The following GEM variants were observed in gnomAD, a reference collection of about 807,000 sequenced individuals.
GEM encodes GTP-binding protein GEM.
A neutral mutation model predicts 33.0 loss-of-function variants in GEM; 31 were observed. The ratio of observed to expected loss-of-function variants is 0.94; its 90% CI spans 0.71 to 1.27. The LOEUF is 1.27. Among genes scored for constraint, GEM ranks in the 50% most tolerant of loss-of-function variants. GEM has a pLI of 0.00. For missense variants in GEM, 354 were observed against 390.5 expected, an observed-to-expected ratio of 0.91 and a Z score of 0.79; for synonymous variants, 141 against 143.7, an observed-to-expected ratio of 0.98 and a Z score of 0.13.
At chr8:94,258,515 A>T (rs1212191039) in intron 2 of GEM, among the ~76,000 whole-genome samples, 1 of 152,140 alleles carries the variant, frequency 6.6e-6, no homozygotes, top group Non-Finnish European at 1.5e-5. Flanking sequence ...TAGTATTTGG[A>T]AGCTAAATCC....
At chr8:94,250,639 G>A (rs2129747711) in intron 4 of GEM, 52 bp from the exon 5 acceptor site, 1 of 1,456,592 alleles carries the variant, frequency 6.9e-7, no homozygotes, top group East Asian at 2.3e-5. Flanking sequence ...GTCCCACATA[G>A]CACACAGTCA....
chr8:94,261,173 GTTT>G (rs1195543486), intron 1 of GEM, among the ~76,000 whole-genome samples: 33 of 152,088 alleles, frequency 2.2e-4, no homozygotes, highest in Non-Finnish European at 4.3e-4. Context: ...TCTGTTTAAA[GTTT>G]ATGCCTCAGC....
intron 2 of GEM, among the ~76,000 whole-genome samples, chr8:94,255,777 C>T (rs1396149345): frequency 6.6e-6 from 1 of 152,136 alleles, no homozygotes; most frequent in African/African-American, 2.4e-5. Flanking sequence ...TGGAGACACC[C>T]CTACTTCTCC....
At chr8:94,252,701 G>T (rs1226485422) in intron 3 of GEM, among the ~76,000 whole-genome samples, 1 of 152,132 alleles carries the variant, frequency 6.6e-6, no homozygotes, top group African/African-American at 2.4e-5. Flanking sequence ...TTGAAGACTG[G>T]TATTGAGAAT....
intron 1 of GEM, among the ~76,000 whole-genome samples, chr8:94,261,140 T>C (rs998015329): frequency 6.6e-6 from 1 of 152,092 alleles, no homozygotes; most frequent in African/African-American, 2.4e-5. Flanking sequence ...CACCTGCCAT[T>C]ATTGGGGGTA....
intron 2 of GEM, among the ~76,000 whole-genome samples, chr8:94,255,165 C>T (rs1808860509): frequency 6.6e-6 from 1 of 152,162 alleles, no homozygotes; most frequent in African/African-American, 2.4e-5. Context: ...ACAGGGGACT[C>T]GCTTGAGTGC....
At chr8:94,257,864 T>TA (rs763584978) in intron 2 of GEM, among the ~76,000 whole-genome samples, 3,422 of 145,420 alleles carry the variant, frequency 0.024, 45 homozygotes, top group Middle Eastern at 0.059. Context: ...AATGCTGATT[T>TA]AAAAAAAAAA....
intron 2 of GEM, among the ~76,000 whole-genome samples, chr8:94,253,390 C>T (rs752395165): frequency 6.6e-6 from 1 of 152,160 alleles, no homozygotes; most frequent in Non-Finnish European, 1.5e-5. Context: ...CATTCCTGGA[C>T]CTTTTGTATG....
chr8:94,252,060 T>C lies in GEM; in HGVS notation c.572A>G (p.Asn191Ser). ...TCGGCACCGCACTAAGTCACTTTTG[T>C]TGCCAACCAAAATTATGGGAATGTC... ...TEDIPIILVG[N>S]KSDLVRCREV... Residue 191 changes from asparagine to serine, a missense_variant, in exon 4 of 5, where the codon AAC becomes AGC. Physicochemically the swap from Asn to Ser is conservative, Grantham distance 46. Transcript: ENST00000297596. 6.2e-7 allele frequency: 1 copy of C among 1,614,194 alleles called. No individual in the cohort carries two copies. The highest frequency in any genetic ancestry group is 8.5e-7 in the Non-Finnish European group (1 of 1,180,020).
intron 2 of GEM, among the ~76,000 whole-genome samples, chr8:94,253,882 G>C (rs1334675989): frequency 6.6e-6 from 1 of 152,084 alleles, no homozygotes; most frequent in African/African-American, 2.4e-5. Flanking sequence ...GGTACAGTGG[G>C]ATTTTTGCAA....
chr8:94,255,886 G>A (rs1220799288), intron 2 of GEM, among the ~76,000 whole-genome samples: 5 of 152,076 alleles, frequency 3.3e-5, no homozygotes, highest in Non-Finnish European at 1.5e-5. Context: ...GGGTGATGGT[G>A]GTCAGTAGCC....
intron 2 of GEM, among the ~76,000 whole-genome samples, chr8:94,254,935 T>A (rs1194360282): frequency 2.0e-5 from 3 of 152,202 alleles, no homozygotes; most frequent in Admixed American, 1.3e-4. Context: ...AGGAATGAGA[T>A]CACAGTGGGA....
intron 4 of GEM, 79 bp downstream of exon 4, chr8:94,251,940 G>T: frequency 9.3e-7 from 1 of 1,078,478 alleles, no homozygotes; most frequent in Non-Finnish European, 1.4e-6. Context: ...CCTCGTGGAA[G>T]GAGGGAAGAA....
Position 94,260,522 on chromosome 8 carries a change from A to C in GEM, c.-9-10T>G. ...GAGTCATCGTTGAGTCCTGGGGAGC[A>C]AAGCAGCCAAGATGGCAGCATTAGT... On this transcript the variant is annotated splice_polypyrimidine_tract_variant and intron_variant, in intron 1 of 4. Transcript: ENST00000297596. 6.5e-7 allele frequency: 1 copy of C among 1,534,774 alleles called. No homozygotes were observed. The highest frequency in any genetic ancestry group is 8.9e-7 in the Non-Finnish European group (1 of 1,124,112).
At chr8:94,253,959 G>C (rs768805660) in intron 2 of GEM, among the ~76,000 whole-genome samples, 4 of 152,114 alleles carry the variant, frequency 2.6e-5, no homozygotes, top group Non-Finnish European at 4.4e-5. Context: ...GAGGTTTCCT[G>C]TTTTGAATTT....
At position 94,253,078 on chromosome 8, in the gene GEM, C is replaced by T. The variant is rs773047264; in HGVS notation, c.366G>A (p.Gly122=). 32 of 1,601,304 alleles carry T rather than the reference C, an allele frequency of 2.0e-5. No homozygotes were observed. Among genetic ancestry groups the T allele is most frequent in the Non-Finnish European group, 2.7e-5 (31 of 1,168,610 alleles). Residue 122 remains glycine (G), a synonymous_variant, in exon 3 of 5, where the codon GGG becomes GGA. Coordinates refer to ENST00000297596, the MANE Select transcript of GEM (RefSeq NM_005261.4). ...DTYERTLMVD[G]ESATIILLDM... The stretch of plus-strand genomic sequence containing the variant: ...CCAGGAGTATAATCGTTGCACTTTC[C>T]CCATCAACCATCAGGGTTCGTTCAT...
Position 94,260,396 on chromosome 8 carries a change from C to A in GEM, c.108G>T (p.Glu36Asp), listed in dbSNP as rs769925332. ...GGTTGCGGTGGCTGTACTGGTGGGG[C>A]TCTTTCTGGACCATCAGATGCCTGC... ...ADGRHLMVQK[E>D]PHQYSHRNRH... Residue 36 changes from glutamate (E) to aspartate (D), a missense_variant, in exon 2 of 5, where the codon GAG (glutamate) becomes GAT (aspartate). Transcript: ENST00000297596. 6.2e-7 allele frequency: 1 copy of A among 1,613,968 alleles called. No individual in the cohort carries two copies. Among genetic ancestry groups the A allele is most frequent in the South Asian group, 1.1e-5 (1 of 91,062 alleles).
intron 1 of GEM, 42 bp from the exon 2 acceptor site, chr8:94,260,554 G>T: frequency 2.6e-6 from 3 of 1,135,028 alleles, no homozygotes; most frequent in South Asian, 1.4e-5. Context: ...TAGTAAGCAT[G>T]AGTGAGAGCT....
chr8:94,254,210 T>C (rs1422759643), intron 2 of GEM, among the ~76,000 whole-genome samples: 1 of 152,176 alleles, frequency 6.6e-6, no homozygotes, highest in Non-Finnish European at 1.5e-5. Flanking sequence ...TTACTTATTC[T>C]ATTATTTTCT....
Sources: allele counts gnomAD v4.1 joint callset (sites outside exome capture counted in the v4.1 genomes callset), GRCh38; gene constraint gnomAD v4.1.1; transcripts MANE v1.5; gene names NCBI Gene and HGNC (gene_info 2026-07-23, HGNC 2026-07-21).